Variants in NOTCH2 observed in about 807,000 individuals in gnomAD.
The protein encoded by NOTCH2 is neurogenic locus notch homolog protein 2.
Under a neutral mutation model 235.8 loss-of-function variants are expected in NOTCH2, and 29 were observed. That is an observed-to-expected ratio of 0.12 (90% CI 0.09 to 0.17). The LOEUF is 0.17. Among genes scored for constraint, NOTCH2 ranks in the 10% least tolerant of loss-of-function variants. NOTCH2 has a pLI of 1.00. For synonymous variants in NOTCH2, 1,086 were observed against 1,141.5 expected, an observed-to-expected ratio of 0.95 and a Z score of 0.98; for missense variants, 2,285 against 3,150.2, an observed-to-expected ratio of 0.73 and a Z score of 6.57.
At chr1:119,950,601 C>A (rs782659673) in intron 15 of NOTCH2, 123 bp downstream of exon 15, 3 of 750,644 alleles carry the variant, frequency 4.0e-6, no homozygotes, top group South Asian at 1.4e-5. Flanking sequence ...GCAGGAAGGA[C>A]AACTGAGGAG....
chr1:120,047,935 T>C (rs1218777799), intron 1 of NOTCH2, among the ~76,000 whole-genome samples: 7 of 144,538 alleles, frequency 4.8e-5, no homozygotes, highest in Non-Finnish European at 1.1e-4. Context: ...CAGCTAATTT[T>C]TGCATTTTTT....
intron 1 of NOTCH2, among the ~76,000 whole-genome samples, chr1:120,047,765 GTT>G (rs782246481): frequency 2.4e-4 from 26 of 109,274 alleles, no homozygotes; most frequent in African/African-American, 9.9e-4. Flanking sequence ...CTTTACCTTG[GTT>G]TTTTTTTTTT....
chr1:119,951,015 A>G (rs1204652195), intron 14 of NOTCH2, among the ~76,000 whole-genome samples, 178 bp from the exon 15 acceptor site: 3 of 152,256 alleles, frequency 2.0e-5, no homozygotes, highest in Non-Finnish European at 4.4e-5. Flanking sequence ...CAGTCAGTAA[A>G]TGACAGCAAT....
rs1553217610 is a variant in NOTCH2 at position 120,068,883 on chromosome 1, G to T, written c.73+451C>A. ...TGGCAAAGGCGAGGCTGGCTGCGAC[G>T]GTGCAGGCCGTTTGGCTTGGCGGCC... On this transcript the variant is annotated intron_variant, in intron 1 of 33. Coordinates refer to ENST00000256646, the MANE Select transcript of NOTCH2 (RefSeq NM_024408.4). 4 of 724,550 alleles carry T rather than the reference G, an allele frequency of 5.5e-6. 1 individual carries two copies. The highest frequency in any genetic ancestry group is 4.3e-5 in the African/African-American group (2 of 46,852). The allele number at this position is 724,550 out of a possible 1,614,324, so 44.9% of individuals were successfully genotyped here. A position where few individuals can be genotyped will look rare whatever the true frequency, so the allele number is the denominator to read the frequency against.
At chr1:119,953,395 T>G in intron 14 of NOTCH2, 148 bp downstream of exon 14, 1 of 805,758 alleles carries the variant, frequency 1.2e-6, no homozygotes, top group South Asian at 1.5e-5. Flanking sequence ...ATGTTTTTAT[T>G]CCCCAAGTGC....
chr1:119,977,205 C>A (rs1553201079), intron 5 of NOTCH2, among the ~76,000 whole-genome samples: 1 of 152,034 alleles, frequency 6.6e-6, no homozygotes, highest in Non-Finnish European at 1.5e-5. Context: ...TTATCCTAAT[C>A]CCAAAATAAT....
intron 2 of NOTCH2, among the ~76,000 whole-genome samples, chr1:120,024,009 A>T (rs1362807223): frequency 6.6e-6 from 1 of 152,066 alleles, no homozygotes; most frequent in African/African-American, 2.4e-5. Context: ...TTTTAAGAAA[A>T]GATTACTCTA....
chr1:119,949,373 A>G (rs1553197455), intron 15 of NOTCH2, among the ~76,000 whole-genome samples: 1 of 148,864 alleles, frequency 6.7e-6, no homozygotes, highest in Non-Finnish European at 1.5e-5. Flanking sequence ...GTTTCCCTAC[A>G]CTACTATTTC....
chr1:119,999,961 AAGAAAG>A (rs1412010050), intron 3 of NOTCH2, among the ~76,000 whole-genome samples: 1 of 129,828 alleles, frequency 7.7e-6, no homozygotes, highest in Non-Finnish European at 1.5e-5. Context: ...GAAAGAAAGA[AAGAAAG>A]AAAGAAAGAA....
At chr1:119,982,583 T>G (rs587736130) in intron 5 of NOTCH2, among the ~76,000 whole-genome samples, 4 of 152,396 alleles carry the variant, frequency 2.6e-5, no homozygotes, top group Admixed American at 2.6e-4. Context: ...ACTTCTCTGA[T>G]AAGATGGCCT....
At chr1:119,935,849 G>T (rs1468212048) in intron 21 of NOTCH2, among the ~76,000 whole-genome samples, 1 of 152,202 alleles carries the variant, frequency 6.6e-6, no homozygotes, top group Non-Finnish European at 1.5e-5. Context: ...GGAAGGCAAG[G>T]ACTGAATACA....
intron 4 of NOTCH2, chr1:119,994,571 CAT>C (rs1652368219): frequency 1.1e-4 from 12 of 109,680 alleles, no homozygotes; most frequent in African/African-American, 3.5e-4. Flanking sequence ...CACACACACA[CAT>C]ATTGATATGT....
chr1:119,974,354 C>A (rs919330668), intron 5 of NOTCH2, among the ~76,000 whole-genome samples: 1 of 152,160 alleles, frequency 6.6e-6, no homozygotes, highest in Non-Finnish European at 1.5e-5. Flanking sequence ...AACATCAGGA[C>A]TGAGGCAGTG....
rs1460418612 is a variant in NOTCH2 at position 119,962,483 on chromosome 1, T to C, written c.1915+1091A>G. Reference sequence around the variant, plus strand: ...GGGGAGGGAAAGGCATTTTCAGCTGTGACGGCATGGGATGTTTTTCGTATG... The same window carrying C: ...GGGGAGGGAAAGGCATTTTCAGCTGCGACGGCATGGGATGTTTTTCGTATG... On this transcript the variant is annotated intron_variant, in intron 11 of 33. Coordinates refer to ENST00000256646, the MANE Select transcript of NOTCH2 (RefSeq NM_024408.4). 3.3e-5 allele frequency among the ~76,000 whole-genome samples: 5 copies of C among 152,198 alleles called. No individual in the cohort carries two copies. In the East Asian group the frequency reaches 7.7e-4, roughly 23 times the overall value.
In NOTCH2 at chr1:120,040,915, C is replaced by T. The variant is rs587690339; in HGVS notation, c.74-10928G>A. On this transcript the variant is annotated intron_variant, in intron 1 of 33. Coordinates refer to ENST00000256646, the MANE Select transcript of NOTCH2 (RefSeq NM_024408.4). ...AATTAGCTGGGCATGGTGGCGGGTG[C>T]CTGTAGTCCCAGCTACTAGGGAGTC... Among the ~76,000 whole-genome samples the T allele has an allele frequency of 1.1e-4, 16 of 149,328 alleles. No homozygotes were observed. In the South Asian group the frequency reaches 3.0e-3, roughly 28 times the overall value.
chr1:119,941,543 G>T lies in NOTCH2; in HGVS notation c.2964C>A (p.Ile988=). The T allele has an allele frequency of 6.2e-7, 1 of 1,613,396 alleles. No individual in the cohort carries two copies. Among genetic ancestry groups the T allele is most frequent in the South Asian group, 1.1e-5 (1 of 91,054 alleles). Residue 988 remains isoleucine (I), a synonymous_variant, in exon 18 of 34, where the codon ATC becomes ATA. Transcript: ENST00000256646. ...GFDGVHCENN[I]NECTESSCFN... Reference sequence around the variant, plus strand: ...TTGCTCACCTCTCAGTGCACTCATTGATGTTGTTCTCACAATGGACTCCAT... The same window carrying T: ...TTGCTCACCTCTCAGTGCACTCATTTATGTTGTTCTCACAATGGACTCCAT...
chr1:119,945,254 T>C (rs1197917782), intron 17 of NOTCH2, among the ~76,000 whole-genome samples: 2 of 152,140 alleles, frequency 1.3e-5, no homozygotes, highest in African/African-American at 4.8e-5. Flanking sequence ...TTTATGTATG[T>C]AGATAAAATG....
chr1:119,922,800 G>A (rs2101156597), intron 26 of NOTCH2, 22 bp from the exon 27 acceptor site: 1 of 1,613,884 alleles, frequency 6.2e-7, no homozygotes, highest in Non-Finnish European at 8.5e-7. Context: ...CAAGGGAGAA[G>A]CGGAGGAGGA....
chr1:119,978,058 C>T (rs1651658846), intron 5 of NOTCH2, among the ~76,000 whole-genome samples: 2 of 151,918 alleles, frequency 1.3e-5, no homozygotes, highest in Non-Finnish European at 1.5e-5. Flanking sequence ...CTTGGGAGTA[C>T]AGAGTAGGGA....
Sources: gnomAD v4.1 joint callset for allele counts (sites outside exome capture counted in the v4.1 genomes callset) on GRCh38, gnomAD v4.1.1 for gene constraint, MANE v1.5 for transcripts, NCBI Gene and HGNC (gene_info 2026-07-23, HGNC 2026-07-21) for gene names.